The following ABCA12 variants were observed in gnomAD, a reference collection of about 807,000 sequenced individuals.
ABCA12 encodes the protein glucosylceramide transporter ABCA12.
In ABCA12, 156 loss-of-function variants were observed where a neutral mutation model predicts 293.5. The observed-to-expected ratio is 0.53, with a 90% CI of 0.47 to 0.61. The LOEUF is 0.61. ABCA12 is among the 20% of genes least tolerant of loss of function. The probability of loss-of-function intolerance (pLI) is 0.00; values close to 1 mark genes in which losing one functional copy is unlikely to be tolerated. For synonymous variants in ABCA12, 1,063 were observed against 1,108.0 expected (o/e 0.96, Z 0.81); for missense variants, 2,797 against 3,090.2 (o/e 0.91, Z 2.25).
At chr2:215,133,706 C>A (rs143718026) in intron 1 of ABCA12, among the ~76,000 whole-genome samples, 10 of 152,156 alleles carry the variant, frequency 6.6e-5, no homozygotes, top group African/African-American at 1.9e-4. Flanking sequence ...ATGTATTTTT[C>A]TTTACTTTCC....
chr2:215,046,095 C>A (rs943413033), intron 6 of ABCA12, 80 bp from the exon 7 acceptor site: 11 of 1,435,134 alleles, frequency 7.7e-6, no homozygotes, highest in Non-Finnish European at 1.1e-5. Context: ...TTAAAAGCAT[C>A]AAAAATCTAG....
chr2:214,981,717 A>G (rs529320753), intron 30 of ABCA12, among the ~76,000 whole-genome samples: 1 of 150,652 alleles, frequency 6.6e-6, no homozygotes. Context: ...AATAAATTTT[A>G]AAATTTTTAA....
intron 2 of ABCA12, among the ~76,000 whole-genome samples, chr2:215,075,085 C>A (rs998671595): frequency 1.3e-5 from 2 of 152,136 alleles, no homozygotes; most frequent in African/African-American, 2.4e-5. Context: ...ATTTACCCCC[C>A]ACCACCAATG....
At chr2:215,075,216 G>C (rs751068792) in intron 2 of ABCA12, among the ~76,000 whole-genome samples, 1 of 151,974 alleles carries the variant, frequency 6.6e-6, no homozygotes, top group East Asian at 1.9e-4. Flanking sequence ...TTCTCCCTTC[G>C]ACACTTCTAA....
chr2:215,133,149 ATTTTTTTTTTTTTTTTTT>A (rs55641331), intron 1 of ABCA12, among the ~76,000 whole-genome samples: 60 of 34,884 alleles, frequency 1.7e-3, no homozygotes, highest in Admixed American at 5.3e-3. Flanking sequence ...GCTGGCTTTA[ATTTTTTTTTTTTTTTTTT>A]TTTTTTTTTT....
chr2:214,994,012 G>A (rs1054618241), intron 23 of ABCA12, among the ~76,000 whole-genome samples: 1 of 152,042 alleles, frequency 6.6e-6, no homozygotes, highest in Admixed American at 6.6e-5. Context: ...GGGTGAGTTA[G>A]GTGCTTCCAA....
intron 2 of ABCA12, among the ~76,000 whole-genome samples, chr2:215,097,676 T>G (rs1702274557): frequency 6.6e-6 from 1 of 152,168 alleles, no homozygotes; most frequent in African/African-American, 2.4e-5. Context: ...GAGCTAAAAT[T>G]TAATACTCTT....
chr2:215,056,128 A>T (rs1286041670), intron 3 of ABCA12, among the ~76,000 whole-genome samples: 6 of 152,062 alleles, frequency 3.9e-5, no homozygotes, highest in Non-Finnish European at 8.8e-5. Context: ...GATCAAAATG[A>T]GCAATGGAAA....
At chr2:215,097,715 C>T (rs1353375183) in intron 2 of ABCA12, among the ~76,000 whole-genome samples, 3 of 152,094 alleles carry the variant, frequency 2.0e-5, no homozygotes, top group Admixed American at 6.6e-5. Context: ...AAACTGATTG[C>T]TTATTGTTCT....
chr2:215,036,172 C>G (rs1026005162), intron 8 of ABCA12, among the ~76,000 whole-genome samples: 1 of 152,146 alleles, frequency 6.6e-6, no homozygotes, highest in Non-Finnish European at 1.5e-5. Flanking sequence ...AAAATGGCAT[C>G]CAAGAGTATT....
rs1404445128 is a variant in ABCA12, at chr2:215,134,659, AG to A, written c.69+3480del. ...GAGAGAGACAAACAGAGAGAGAGAG[AG>A]AGAGAGAGACAGGGTCAAACTTTTT... On this transcript the variant is annotated intron_variant, in intron 1 of 52. Transcript: ENST00000272895. 5.9e-3 allele frequency among the ~76,000 whole-genome samples: 858 copies of A among 146,330 alleles called. 23 individuals carry two copies. The highest frequency in any genetic ancestry group is 0.02 in the African/African-American group (808 of 39,762).
rs748348776 is a variant in ABCA12 at position 215,031,910 on chromosome 2, T to A, written c.986-14A>T. On this transcript the variant is annotated splice_polypyrimidine_tract_variant and intron_variant, in intron 8 of 52. Coordinates refer to ENST00000272895, the MANE Select transcript of ABCA12 (RefSeq NM_173076.3). ...TATCGGAGTCACCTGAAGTAATAAT[T>A]TTTATATAGGTAAACATTTAACATG... is the stretch of plus-strand genomic sequence containing the variant. 3 of 1,613,360 alleles carry A rather than the reference T, an allele frequency of 1.9e-6. No homozygotes were observed. In the Admixed American group the frequency reaches 5.0e-5, roughly 27 times the overall value.
chr2:215,037,668 G>A (rs773326444), intron 7 of ABCA12, among the ~76,000 whole-genome samples: 2 of 152,044 alleles, frequency 1.3e-5, no homozygotes, highest in East Asian at 1.9e-4. Flanking sequence ...TTATGTTACC[G>A]ATAAGATGGG....
intron 30 of ABCA12, 81 bp from the exon 31 acceptor site, chr2:214,980,724 T>A (rs543719813): frequency 1.3e-6 from 2 of 1,539,756 alleles, no homozygotes; most frequent in South Asian, 2.2e-5. Flanking sequence ...CCAGAGTAAA[T>A]CCTGTGACAT....
intron 47 of ABCA12, 47 bp from the exon 48 acceptor site, chr2:214,947,603 C>G: frequency 6.2e-7 from 1 of 1,607,914 alleles, no homozygotes; most frequent in Non-Finnish European, 8.5e-7. Context: ...TGTGCCAAAA[C>G]CCTTAAAGCA....
chr2:214,963,794 C>A (rs1252703558), intron 39 of ABCA12, among the ~76,000 whole-genome samples: 2 of 151,480 alleles, frequency 1.3e-5, no homozygotes, highest in Admixed American at 1.3e-4. Context: ...GTGGCAGGCA[C>A]CTGTAATCCC....
intron 3 of ABCA12, among the ~76,000 whole-genome samples, chr2:215,055,314 A>T (rs1701398507): frequency 6.6e-6 from 1 of 152,068 alleles, no homozygotes; most frequent in Non-Finnish European, 1.5e-5. Flanking sequence ...ACATGATCAC[A>T]CTAGGTTTTA....
At chr2:215,001,528 A>G (rs935613158) in intron 21 of ABCA12, 30 bp downstream of exon 21, 1 of 1,613,254 alleles carries the variant, frequency 6.2e-7, no homozygotes. Context: ...GCACAAAGAG[A>G]TGCTCAAACC....
At chr2:215,133,204 A>G (rs1263150814) in intron 1 of ABCA12, among the ~76,000 whole-genome samples, 5 of 92,874 alleles carry the variant, frequency 5.4e-5, no homozygotes, top group African/African-American at 1.2e-4. Context: ...TGGACTTTGG[A>G]TGATCTGGTG....
Sources: gnomAD v4.1 joint callset for allele counts (sites outside exome capture counted in the v4.1 genomes callset) on GRCh38, gnomAD v4.1.1 for gene constraint, MANE v1.5 for transcripts, NCBI Gene and HGNC (gene_info 2026-07-23, HGNC 2026-07-21) for gene names.